The following GRAMD2B variants were observed in gnomAD, a reference collection of about 807,000 sequenced individuals.
The protein encoded by GRAMD2B is GRAM domain-containing protein 2B.
GRAMD2B carries 41 observed loss-of-function variants against 59.2 expected under a neutral mutation model. The ratio of observed to expected loss-of-function variants is 0.69; its 90% CI spans 0.54 to 0.90. The LOEUF (loss-of-function observed/expected upper bound fraction) is 0.90, where lower values mean the gene tolerates loss of function less well. GRAMD2B is among the 40% of genes least tolerant of loss of function. The pLI is 0.00. For missense variants in GRAMD2B, 424 were observed against 500.5 expected (o/e 0.85, Z 1.46); for synonymous variants, 161 against 182.7 (o/e 0.88, Z 0.96).
At position 126,480,844 on chromosome 5, in the gene GRAMD2B, A is replaced by C. The variant is rs113972418; in HGVS notation, c.735+137A>C. On this transcript the variant is annotated intron_variant, in intron 8 of 13. Transcript: ENST00000285689. ...TGAGGTACAGTTGAAGAAACAGGGC[A>C]TATCTTCCTTGAAGAAGAGGAAACC... is the stretch of plus-strand genomic sequence containing the variant. The C allele has an allele frequency of 3.2e-4, 219 of 690,638 alleles. No homozygotes were observed. In the African/African-American group the frequency reaches 3.7e-3, roughly 12 times the overall value. The allele number at this position is 690,638 out of a possible 1,614,324, so 42.8% of individuals were successfully genotyped here. A position where few individuals can be genotyped will look rare whatever the true frequency, so the allele number is the denominator to read the frequency against.
intron 1 of GRAMD2B, among the ~76,000 whole-genome samples, chr5:126,440,877 A>G (rs1290515950): frequency 6.6e-6 from 1 of 152,208 alleles, no homozygotes; most frequent in African/African-American, 2.4e-5. Flanking sequence ...ATCTCTAATC[A>G]TGGGGATAGA....
chr5:126,428,479 T>C (rs1438454865), intron 1 of GRAMD2B, among the ~76,000 whole-genome samples: 1 of 152,132 alleles, frequency 6.6e-6, no homozygotes, highest in Non-Finnish European at 1.5e-5. Flanking sequence ...AAAAAATATA[T>C]AGTGAACCAA....
chr5:126,413,311 T>C (rs1758980206), intron 1 of GRAMD2B, among the ~76,000 whole-genome samples: 1 of 152,120 alleles, frequency 6.6e-6, no homozygotes, highest in African/African-American at 2.4e-5. Context: ...TGTCTCTGTT[T>C]TCATTTATTT....
chr5:126,431,003 G>A (rs2149800697), intron 1 of GRAMD2B, among the ~76,000 whole-genome samples: 1 of 152,256 alleles, frequency 6.6e-6, no homozygotes, highest in East Asian at 1.9e-4. Flanking sequence ...AGAAATACAT[G>A]TATAAAGTCA....
At chr5:126,427,748 C>T (rs998217097) in intron 1 of GRAMD2B, among the ~76,000 whole-genome samples, 2 of 152,172 alleles carry the variant, frequency 1.3e-5, no homozygotes, top group African/African-American at 2.4e-5. Flanking sequence ...ACTTGACAAA[C>T]AGAACACAGA....
intron 1 of GRAMD2B, among the ~76,000 whole-genome samples, chr5:126,379,564 T>C (rs920031181): frequency 6.6e-6 from 1 of 152,066 alleles, no homozygotes; most frequent in Non-Finnish European, 1.5e-5. Flanking sequence ...CACACCAACA[T>C]CTATTATTTT....
intron 8 of GRAMD2B, chr5:126,480,999 C>T (rs1201009058): frequency 1.9e-5 from 8 of 430,042 alleles, no homozygotes; most frequent in African/African-American, 1.4e-4. Context: ...GTTTGCTTGT[C>T]AATATTGGCT....
chr5:126,461,055 G>A (rs1267789752), intron 1 of GRAMD2B, among the ~76,000 whole-genome samples: 1 of 152,050 alleles, frequency 6.6e-6, no homozygotes, highest in Non-Finnish European at 1.5e-5. Context: ...CAAACACAGG[G>A]ACTCATCACT....
At chr5:126,471,334 C>T (rs4529191) in intron 3 of GRAMD2B, among the ~76,000 whole-genome samples, 57,300 of 152,084 alleles carry the variant, frequency 0.38, 12,726 homozygotes, top group East Asian at 0.7. Context: ...CTCAGCCTCC[C>T]GAGTAGCTAG....
In GRAMD2B at chr5:126,444,088, C is replaced by A. The variant is rs549952496; in HGVS notation, c.83+20399C>A. The stretch of plus-strand genomic sequence containing the variant: ...AAGAGAGAGGCCTTCCAGCACTCCA[C>A]CACCACTAATACCACCACCACCACC... On this transcript the variant is annotated intron_variant, in intron 1 of 13. Transcript: ENST00000285689. Among the ~76,000 whole-genome samples, 9 of 151,952 alleles carry A rather than the reference C, an allele frequency of 5.9e-5. No individual in the cohort carries two copies. In the South Asian group the frequency reaches 1.9e-3, roughly 32 times the overall value.
At chr5:126,368,355 A>G (rs1754565121), upstream of GRAMD2B, among the ~76,000 whole-genome samples, 1 of 152,256 alleles carries the variant, frequency 6.6e-6, no homozygotes, top group African/African-American at 2.4e-5. Context: ...CACAGCAGTC[A>G]ACTGCCATTA....
At chr5:126,467,733 C>G (rs1030379962) in intron 2 of GRAMD2B, 2 of 152,096 alleles carry the variant, frequency 1.3e-5, no homozygotes, top group Non-Finnish European at 2.9e-5. Context: ...AAAATGTAAT[C>G]CCTAGAATTC....
chr5:126,403,776 A>G (rs993894768), intron 1 of GRAMD2B, among the ~76,000 whole-genome samples: 12 of 151,956 alleles, frequency 7.9e-5, no homozygotes, highest in African/African-American at 2.4e-4. Context: ...AGGAACATAA[A>G]AGTCTCTAAA....
At chr5:126,486,718 T>C (rs1291505751) in intron 11 of GRAMD2B, among the ~76,000 whole-genome samples, 155 bp from the exon 12 acceptor site, 1 of 152,194 alleles carries the variant, frequency 6.6e-6, no homozygotes, top group Non-Finnish European at 1.5e-5. Context: ...ATAACAAGCA[T>C]CAGCCTGTTT....
intron 1 of GRAMD2B, among the ~76,000 whole-genome samples, chr5:126,433,325 A>G (rs1419576865): frequency 1.3e-5 from 2 of 152,218 alleles, no homozygotes; most frequent in Non-Finnish European, 2.9e-5. Flanking sequence ...GCCAAAATAG[A>G]AAGGCAGGCA....
At chr5:126,486,793 C>G in intron 11 of GRAMD2B, 80 bp from the exon 12 acceptor site, 1 of 791,698 alleles carries the variant, frequency 1.3e-6, no homozygotes, top group South Asian at 1.6e-5. Flanking sequence ...TCGGGTGTAC[C>G]ACATTGGCAC....
rs1561607243 is a variant in GRAMD2B, at chr5:126,484,543, A to AG, written c.970+25dup. Reference sequence around the variant, plus strand: ...GTACAGGGTAAGGAATGGATGTCTCAGGGGGGTGGGTTTAGAAGGATTGGA... The same window carrying AG: ...GTACAGGGTAAGGAATGGATGTCTCAGGGGGGGTGGGTTTAGAAGGATTGGA... On this transcript the variant is annotated intron_variant, in intron 10 of 13. Transcript: ENST00000285689. The AG allele has an allele frequency of 1.3e-6, 2 of 1,596,418 alleles. No homozygotes were observed. Among genetic ancestry groups the AG allele is most frequent in the Non-Finnish European group, 1.7e-6 (2 of 1,173,894 alleles).
intron 1 of GRAMD2B, among the ~76,000 whole-genome samples, chr5:126,393,982 T>C (rs1349008681): frequency 6.6e-6 from 1 of 151,780 alleles, no homozygotes; most frequent in Non-Finnish European, 1.5e-5. Flanking sequence ...GTTAAAAAAC[T>C]AGGAATATTA....
chr5:126,379,497 G>A (rs1466572121), intron 1 of GRAMD2B, among the ~76,000 whole-genome samples: 1 of 152,120 alleles, frequency 6.6e-6, no homozygotes, highest in Non-Finnish European at 1.5e-5. Flanking sequence ...TGCCATAGTG[G>A]TGGTACTGAT....
Sources: gnomAD v4.1 joint callset for allele counts (sites outside exome capture counted in the v4.1 genomes callset) on GRCh38, gnomAD v4.1.1 for gene constraint, MANE v1.5 for transcripts, NCBI Gene and HGNC (gene_info 2026-07-23, HGNC 2026-07-21) for gene names.